Variants in TRPM7 observed in about 807,000 individuals in gnomAD.
TRPM7 encodes the protein transient receptor potential cation channel subfamily M member 7.
TRPM7 carries 134 observed loss-of-function variants against 229.7 expected under a neutral mutation model. The ratio of observed to expected loss-of-function variants is 0.58; its 90% CI spans 0.51 to 0.67. The LOEUF is 0.67. Among genes scored for constraint, TRPM7 ranks in the 30% least tolerant of loss-of-function variants. The pLI is 0.00. For missense variants in TRPM7, 1,901 were observed against 2,210.0 expected (o/e 0.86, Z 2.80); for synonymous variants, 699 against 715.2 (o/e 0.98, Z 0.36).
chr15:50,675,486 T>G (rs28557300), intron 1 of TRPM7, among the ~76,000 whole-genome samples: 3,325 of 152,270 alleles, frequency 0.022, 120 homozygotes, highest in African/African-American at 0.077. Flanking sequence ...TTCTCATCAT[T>G]TACGGCCTTC....
At chr15:50,618,229 C>G (rs2060282778) in intron 13 of TRPM7, among the ~76,000 whole-genome samples, 1 of 152,014 alleles carries the variant, frequency 6.6e-6, no homozygotes. Flanking sequence ...ACAGAATAGC[C>G]TGAGATCATG....
Position 50,559,178 on chromosome 15 carries a change from A to G in TRPM7, c.*2500T>C, listed in dbSNP as rs1024392213. On this transcript the variant is annotated 3_prime_UTR_variant, in exon 39 of 39. Transcript: ENST00000646667. Reference sequence around the variant, plus strand: ...GCAATTCTCCTGCCTCAGACTCCTGAGTAGCTGGGATTACAGGCACTCACC... The same window carrying G: ...GCAATTCTCCTGCCTCAGACTCCTGGGTAGCTGGGATTACAGGCACTCACC... The G allele has an allele frequency of 1.3e-5, 2 of 152,232 alleles. No individual in the cohort carries two copies. The highest frequency in any genetic ancestry group is 1.9e-4 in the East Asian group (1 of 5,216). The allele number at this position is 152,232 out of a possible 1,614,324, so 9.4% of individuals were successfully genotyped here. A position where few individuals can be genotyped will look rare whatever the true frequency, so the allele number is the denominator to read the frequency against.
Position 50,585,885 on chromosome 15 carries a change from C to A in TRPM7, c.4486+507G>T, listed in dbSNP as rs1489406887. On this transcript the variant is annotated intron_variant, in intron 28 of 38. Transcript: ENST00000646667. Reference sequence around the variant, plus strand: ...ACAAGGCAACATGTATTGTCTGTGACCTTTTGTGTAAAAAATGAGAGGTAT... The same window carrying A: ...ACAAGGCAACATGTATTGTCTGTGAACTTTTGTGTAAAAAATGAGAGGTAT... Among the ~76,000 whole-genome samples the A allele has an allele frequency of 2.0e-5, 3 of 152,030 alleles. No individual in the cohort carries two copies. In the East Asian group the frequency reaches 5.8e-4, roughly 29 times the overall value.
chr15:50,647,922 TA>T (rs755990985), intron 4 of TRPM7, among the ~76,000 whole-genome samples: 3 of 152,210 alleles, frequency 2.0e-5, no homozygotes, highest in Non-Finnish European at 2.9e-5. Context: ...AACAACTATT[TA>T]CATTGTATTG....
In TRPM7 at chr15:50,560,796, A is replaced by T. The variant is rs2053279850; in HGVS notation, c.*882T>A. ...TGTTTACATTCTGATTTGATATAAC[A>T]ATCAATAAAATCTTTGGAGAAGTTT... On this transcript the variant is annotated 3_prime_UTR_variant, in exon 39 of 39. Coordinates refer to ENST00000646667, the MANE Select transcript of TRPM7 (RefSeq NM_017672.6). The T allele has an allele frequency of 6.6e-6, 1 of 152,642 alleles. No individual in the cohort carries two copies. Among genetic ancestry groups the T allele is most frequent in the African/African-American group, 2.4e-5 (1 of 41,464 alleles). 9.5% of individuals were successfully genotyped at this position (152,642 alleles called of 1,614,324 possible).
In TRPM7 at chr15:50,574,669, T is replaced by G; in HGVS notation, c.5070A>C (p.Gln1690His). ...AATATGGTATGGATTTGGGTTTCAT[T>G]TGATTAAAGGCAAACGTAAGCTTTT... The part of the protein sequence containing the change: ...AAQKLTFAFN[Q>H]MKPKSIPYSP... The change falls in exon 35 of 39, where the codon CAA becomes CAC. Residue 1690 changes from glutamine (Q) to histidine (H), a missense_variant. Physicochemically the swap from Gln to His is conservative, Grantham distance 24. Around this residue, in one of 8 missense-constraint regions of TRPM7, gnomAD observed 257 missense variants for 352.0 expected, o/e 0.73. Coordinates refer to ENST00000646667, the MANE Select transcript of TRPM7 (RefSeq NM_017672.6). The G allele has an allele frequency of 6.2e-7, 1 of 1,613,786 alleles. No individual in the cohort carries two copies. The highest frequency in any genetic ancestry group is 1.3e-5 in the African/African-American group (1 of 75,024).
At chr15:50,686,130 TATC>T (rs1295086344) in intron 1 of TRPM7, among the ~76,000 whole-genome samples, 1 of 152,186 alleles carries the variant, frequency 6.6e-6, no homozygotes, top group East Asian at 1.9e-4. Context: ...TTGGTTCCCT[TATC>T]TGCCAGCAAC....
chr15:50,572,806 A>G (rs1410794416), intron 36 of TRPM7, among the ~76,000 whole-genome samples: 1 of 152,226 alleles, frequency 6.6e-6, no homozygotes, highest in Non-Finnish European at 1.5e-5. Context: ...CTTTTCAACA[A>G]ATCTTTTATA....
At chr15:50,674,257 A>T (rs2062049115) in intron 1 of TRPM7, among the ~76,000 whole-genome samples, 1 of 151,828 alleles carries the variant, frequency 6.6e-6, no homozygotes, top group Non-Finnish European at 1.5e-5. Context: ...CCAAAGTGCT[A>T]GGATTACAGG....
chr15:50,633,813 C>T (rs545156825), intron 8 of TRPM7, among the ~76,000 whole-genome samples: 4 of 152,288 alleles, frequency 2.6e-5, no homozygotes, highest in Admixed American at 6.5e-5. Flanking sequence ...GAAACTACTA[C>T]GTTAAAAGAT....
intron 1 of TRPM7, among the ~76,000 whole-genome samples, chr15:50,674,750 T>C (rs978409508): frequency 1.3e-5 from 2 of 152,156 alleles, no homozygotes; most frequent in African/African-American, 2.4e-5. Flanking sequence ...TCTGGGAAAA[T>C]CTTCAAATCT....
intron 34 of TRPM7, 60 bp from the exon 35 acceptor site, chr15:50,574,779 C>T: frequency 1.3e-6 from 2 of 1,586,128 alleles, no homozygotes; most frequent in African/African-American, 1.4e-5. Context: ...TTATATTTGG[C>T]TTATTGATAT....
At chr15:50,644,262 C>T (rs1231244867) in intron 4 of TRPM7, among the ~76,000 whole-genome samples, 1 of 151,860 alleles carries the variant, frequency 6.6e-6, no homozygotes, top group African/African-American at 2.4e-5. Context: ...ATAACTTCTT[C>T]TGGTTTGAAA....
chr15:50,640,495 A>T (rs1449435237), intron 5 of TRPM7, among the ~76,000 whole-genome samples: 1 of 143,180 alleles, frequency 7.0e-6, no homozygotes, highest in African/African-American at 2.7e-5. Context: ...CATGTTGCCC[A>T]GGCTAGTTTT....
At chr15:50,576,945 C>G (rs2054162585) in intron 31 of TRPM7, among the ~76,000 whole-genome samples, 1 of 151,886 alleles carries the variant, frequency 6.6e-6, no homozygotes, top group Non-Finnish European at 1.5e-5. Flanking sequence ...CCATTATCAA[C>G]AAAAAAGATT....
At chr15:50,677,752 AAAAAAAAAC>A (rs1401698520) in intron 1 of TRPM7, among the ~76,000 whole-genome samples, 21 of 133,218 alleles carry the variant, frequency 1.6e-4, no homozygotes, top group African/African-American at 4.9e-4. Context: ...AAAAAAAAAA[AAAAAAAAAC>A]AAAAGGTAAC....
intron 14 of TRPM7, 50 bp downstream of exon 14, chr15:50,614,073 T>A: frequency 6.7e-7 from 1 of 1,490,176 alleles, no homozygotes; most frequent in East Asian, 2.3e-5. Flanking sequence ...TTAAAGTGCA[T>A]GTGTTAATAT....
chr15:50,669,712 T>G (rs1362303842), intron 1 of TRPM7, among the ~76,000 whole-genome samples: 1 of 152,102 alleles, frequency 6.6e-6, no homozygotes, highest in Non-Finnish European at 1.5e-5. Flanking sequence ...TTGTTTGAGT[T>G]TTTTTCCTGC....
chr15:50,611,333 T>C lies in TRPM7; in HGVS notation c.2052-12A>G. The C allele has an allele frequency of 2.5e-6, 4 of 1,604,756 alleles. No individual in the cohort carries two copies. Among genetic ancestry groups the C allele is most frequent in the Non-Finnish European group, 3.4e-6 (4 of 1,174,170 alleles). ...ACTGACCAAAATCACTATAAAAAGATAAAAGCCAAAATATACTCAGATTAA... is the reference window on the plus strand; with the variant it reads ...ACTGACCAAAATCACTATAAAAAGACAAAAGCCAAAATATACTCAGATTAA... On this transcript the variant is annotated splice_polypyrimidine_tract_variant and intron_variant, in intron 16 of 38. Coordinates refer to ENST00000646667, the MANE Select transcript of TRPM7 (RefSeq NM_017672.6).
Sources: allele counts gnomAD v4.1 joint callset (sites outside exome capture counted in the v4.1 genomes callset), GRCh38; gene constraint gnomAD v4.1.1; regional missense constraint gnomAD v4.1.1; transcripts MANE v1.5; gene names NCBI Gene and HGNC (gene_info 2026-07-23, HGNC 2026-07-21).